The following ELL variants were observed in gnomAD, a reference collection of about 807,000 sequenced individuals.
The protein encoded by ELL is elongation factor for RNA polymerase II, also known as RNA polymerase II elongation factor ELL.
In ELL, 18 loss-of-function variants were observed where a neutral mutation model predicts 64.0. The observed-to-expected ratio is 0.28, with a 90% CI of 0.19 to 0.42. ELL has a LOEUF of 0.42. Ranked by LOEUF, ELL falls within the 10% of genes least tolerant of loss-of-function variation. ELL has a pLI of 1.00. For missense variants in ELL, 797 were observed against 870.4 expected (o/e 0.92, Z 1.06); for synonymous variants, 399 against 376.2 (o/e 1.06, Z -0.70).
At chr19:18,465,661 C>A (rs780529315) in intron 3 of ELL, 86 bp from the exon 4 acceptor site, 98 of 1,481,320 alleles carry the variant, frequency 6.6e-5, no homozygotes, top group Non-Finnish European at 8.5e-5. Context: ...AGCCCACCAC[C>A]TGGCCTGGAA....
chr19:18,511,504 A>G (rs1976022067), intron 1 of ELL, among the ~76,000 whole-genome samples: 1 of 152,170 alleles, frequency 6.6e-6, no homozygotes, highest in African/African-American at 2.4e-5. Flanking sequence ...AGCATGGTTC[A>G]CTACAGTCAA....
At chr19:18,471,007 C>T (rs1045132979) in intron 2 of ELL, 52 of 456,544 alleles carry the variant, frequency 1.1e-4, no homozygotes, top group African/African-American at 8.6e-4. Context: ...TGTCCATATC[C>T]CCACATCCAG....
At position 18,450,724 on chromosome 19, in the gene ELL, G is replaced by A. The variant is rs1974511251; in HGVS notation, c.1218C>T (p.His406=). The change falls in exon 8 of 12, where the codon CAC becomes CAT. Residue 406 remains histidine, a synonymous_variant. Coordinates refer to ENST00000262809, the MANE Select transcript of ELL (RefSeq NM_006532.4). ...CTCCGTGCTCACAGTCTCGGCCGCTGTGGCCCAGGTCATTGCTGACATCGG... is the reference window on the plus strand; with the variant it reads ...CTCCGTGCTCACAGTCTCGGCCGCTATGGCCCAGGTCATTGCTGACATCGG... The part of the protein sequence containing the change: ...PLADVSNDLG[H]SGRDCEHGEA... 1.3e-6 allele frequency: 2 copies of A among 1,586,304 alleles called. No homozygotes were observed. The highest frequency in any genetic ancestry group is 8.6e-7 in the Non-Finnish European group (1 of 1,167,164).
chr19:18,445,135 A>G lies in ELL; in HGVS notation c.1749+89T>C, dbSNP rs1974385434. The G allele has an allele frequency of 5.8e-6, 9 of 1,540,512 alleles. No individual in the cohort carries two copies. The Admixed American group carries it at 8.4e-5, about 14-fold the overall frequency. On this transcript the variant is annotated intron_variant, in intron 11 of 11. Coordinates refer to ENST00000262809, the MANE Select transcript of ELL (RefSeq NM_006532.4). ...GGCTCTTCCCCCACACCTTGGAAGT[A>G]GCGGGCAGGGAGGCTGCCCCGGGCC...
At chr19:18,509,593 G>GCGCGCGCGCGCGCGCGCACACA (rs1438642062) in intron 1 of ELL, among the ~76,000 whole-genome samples, 1 of 83,240 alleles carries the variant, frequency 1.2e-5, no homozygotes. Context: ...GCGCGCGCGC[G>GCGCGCGCGCGCGCGCGCACACA]CACATACACA....
intron 1 of ELL, among the ~76,000 whole-genome samples, chr19:18,477,939 T>C (rs1975214138): frequency 6.6e-6 from 1 of 151,900 alleles, no homozygotes; most frequent in African/African-American, 2.4e-5. Context: ...GCTAAATAGA[T>C]GGTGATGAGA....
At chr19:18,485,538 C>G (rs1975392503) in intron 1 of ELL, among the ~76,000 whole-genome samples, 1 of 152,100 alleles carries the variant, frequency 6.6e-6, no homozygotes, top group African/African-American at 2.4e-5. Flanking sequence ...CCAGGGAGAC[C>G]AGGGAGACCA....
chr19:18,510,090 G>A (rs1322417084), intron 1 of ELL, among the ~76,000 whole-genome samples: 2 of 152,188 alleles, frequency 1.3e-5, no homozygotes, highest in African/African-American at 2.4e-5. Flanking sequence ...TGTCCCAGCT[G>A]GGCACGATGG....
chr19:18,519,279 C>T (rs1185593574), intron 1 of ELL, among the ~76,000 whole-genome samples: 1 of 151,726 alleles, frequency 6.6e-6, no homozygotes, highest in Non-Finnish European at 1.5e-5. Flanking sequence ...CCACAAGTTG[C>T]AATTGGCAAA....
intron 8 of ELL, among the ~76,000 whole-genome samples, chr19:18,447,137 G>T (rs993958211): frequency 6.6e-6 from 1 of 152,234 alleles, no homozygotes; most frequent in Non-Finnish European, 1.5e-5. Flanking sequence ...ACAGGTCAGG[G>T]AACTGCAGGG....
In ELL at chr19:18,446,412, C is replaced by G. The variant is rs746503473; in HGVS notation, c.1601G>C (p.Ser534Thr). 1 of 1,612,674 alleles carries G rather than the reference C, an allele frequency of 6.2e-7. No individual in the cohort carries two copies. Among genetic ancestry groups the G allele is most frequent in the African/African-American group, 1.3e-5 (1 of 74,940 alleles). Residue 534 changes from serine (S) to threonine (T), a missense_variant, in exon 10 of 12, where the codon AGC becomes ACC. Coordinates refer to ENST00000262809, the MANE Select transcript of ELL (RefSeq NM_006532.4). ...GCGGGCGTGCAGGTCGCGGTACTCG[C>G]TGTACTCGGCATTGAAGTCGTTCTT... ...SYKNDFNAEY[S>T]EYRDLHARIE...
intron 4 of ELL, among the ~76,000 whole-genome samples, chr19:18,464,903 C>G (rs770368837): frequency 5.9e-5 from 9 of 152,242 alleles, no homozygotes; most frequent in Admixed American, 3.3e-4. Context: ...TCCTGCAGTG[C>G]TGGGTCGCTG....
At chr19:18,464,454 G>T (rs1408684906) in intron 4 of ELL, among the ~76,000 whole-genome samples, 1 of 151,704 alleles carries the variant, frequency 6.6e-6, no homozygotes, top group Non-Finnish European at 1.5e-5. Context: ...ACAGCCCAGG[G>T]CCTCAACATC....
chr19:18,485,386 C>CA (rs937705037), intron 1 of ELL, among the ~76,000 whole-genome samples: 3 of 152,178 alleles, frequency 2.0e-5, no homozygotes, highest in Non-Finnish European at 4.4e-5. Flanking sequence ...GCCACACTCC[C>CA]AAGGCCACCC....
At chr19:18,497,387 G>A (rs1348158544) in intron 1 of ELL, among the ~76,000 whole-genome samples, 1 of 152,196 alleles carries the variant, frequency 6.6e-6, no homozygotes, top group African/African-American at 2.4e-5. Context: ...GGATGAGTAG[G>A]TAGAGCTTGG....
chr19:18,499,743 G>C (rs546270308), intron 1 of ELL, among the ~76,000 whole-genome samples: 1 of 152,304 alleles, frequency 6.6e-6, no homozygotes, highest in South Asian at 2.1e-4. Flanking sequence ...CAGAGGAACA[G>C]AGGGGCACAG....
At chr19:18,513,580 T>G (rs16982485) in intron 1 of ELL, among the ~76,000 whole-genome samples, 4,041 of 152,142 alleles carry the variant, frequency 0.027, 116 homozygotes, top group African/African-American at 0.074. Flanking sequence ...CTTTCTACCC[T>G]GAGTTATACT....
At chr19:18,446,520 G>A (rs200814130) in intron 9 of ELL, 40 bp from the exon 10 acceptor site, 66 of 1,594,660 alleles carry the variant, frequency 4.1e-5, no homozygotes, top group Middle Eastern at 1.7e-4. Context: ...GAGGCTGGAA[G>A]GACCCAGCCC....
intron 8 of ELL, 77 bp downstream of exon 8, chr19:18,450,400 C>A: frequency 6.4e-7 from 1 of 1,553,456 alleles, no homozygotes; most frequent in South Asian, 1.2e-5. Context: ...TGAGCCCCCT[C>A]GACACCCCAT....
Sources: allele counts gnomAD v4.1 joint callset (sites outside exome capture counted in the v4.1 genomes callset), GRCh38; gene constraint gnomAD v4.1.1; transcripts MANE v1.5; gene names NCBI Gene and HGNC (gene_info 2026-07-23, HGNC 2026-07-21).